AZIN2: variants seen among roughly 807,000 people sequenced by gnomAD.
AZIN2 encodes the protein ODC antizyme inhibitor-2.
Under a neutral mutation model 47.8 loss-of-function variants are expected in AZIN2, and 28 were observed. The observed-to-expected ratio is 0.59, with a 90% CI of 0.43 to 0.80. The LOEUF is 0.80. Among genes scored for constraint, AZIN2 ranks in the 30% least tolerant of loss-of-function variants. The probability of loss-of-function intolerance (pLI) is 0.00; values close to 1 mark genes in which losing one functional copy is unlikely to be tolerated. For synonymous variants in AZIN2, 221 were observed against 239.4 expected (o/e 0.92, Z 0.71); for missense variants, 535 against 582.5 (o/e 0.92, Z 0.84).
chr1:33,082,049 T>C (rs1231322086), intron 3 of AZIN2, 129 bp from the exon 4 acceptor site: 4 of 595,236 alleles, frequency 6.7e-6, no homozygotes, highest in Non-Finnish European at 1.2e-5. Context: ...TTCTCCACCC[T>C]TGCCCAGTGA....
At chr1:33,154,177 T>G in the AZIN2 span, among the ~76,000 whole-genome samples, 7 of 152,208 alleles carry the variant, frequency 4.6e-5, no homozygotes, top group African/African-American at 1.7e-4. Flanking sequence ...GATCTAAAGA[T>G]GGGCCGGGTG....
chr1:33,087,012 A>G (rs971720149), intron 5 of AZIN2, among the ~76,000 whole-genome samples: 23 of 152,304 alleles, frequency 1.5e-4, no homozygotes, highest in African/African-American at 5.3e-4. Flanking sequence ...TACTTTAAAC[A>G]TGGATTGTGA....
At chr1:33,124,279 A>G (rs759342175), downstream of AZIN2, among the ~76,000 whole-genome samples, 11 of 152,298 alleles carry the variant, frequency 7.2e-5, no homozygotes, top group South Asian at 4.2e-4. This position sits in a 1 kb window ranked among gnomAD's most constrained non-coding sequence, Gnocchi z 4.6. Context: ...GTCACAGAGG[A>G]CCTTGAATTA....
the AZIN2 span, chr1:33,146,838 C>T: frequency 2.8e-6 from 1 of 352,168 alleles, no homozygotes. Flanking sequence ...TTCCTGAGGT[C>T]AGGGCTGGGC....
the AZIN2 span, among the ~76,000 whole-genome samples, chr1:33,135,160 C>T: frequency 1.3e-5 from 2 of 152,112 alleles, no homozygotes; most frequent in Admixed American, 6.5e-5. Flanking sequence ...CATGGTGGCA[C>T]GTGCCTGTAA....
intron 8 of AZIN2, among the ~76,000 whole-genome samples, chr1:33,095,253 A>C (rs902591089): frequency 6.6e-6 from 1 of 152,220 alleles, no homozygotes; most frequent in Non-Finnish European, 1.5e-5. Flanking sequence ...TTGACCTTAC[A>C]GAAATGATTT....
intron 10 of AZIN2, among the ~76,000 whole-genome samples, chr1:33,098,827 G>GAT (rs1424578577): frequency 6.7e-6 from 1 of 149,820 alleles, no homozygotes; most frequent in African/African-American, 2.5e-5. Flanking sequence ...GCAGTGGTGT[G>GAT]ATCTCGGCTC....
At chr1:33,106,861 A>G (rs1320030607) in intron 10 of AZIN2, among the ~76,000 whole-genome samples, 1 of 152,222 alleles carries the variant, frequency 6.6e-6, no homozygotes, top group Non-Finnish European at 1.5e-5. Flanking sequence ...GCTCACTCTC[A>G]CCACTTCTAT....
At position 33,120,294 on chromosome 1, in the gene AZIN2, T is replaced by A; in HGVS notation, c.*112T>A. 1 of 1,446,322 alleles carries A rather than the reference T, an allele frequency of 6.9e-7. No homozygotes were observed. The highest frequency in any genetic ancestry group is 9.3e-7 in the Non-Finnish European group (1 of 1,075,838). The allele number at this position is 1,446,322 out of a possible 1,614,324, so 89.6% of individuals were successfully genotyped here. A position where few individuals can be genotyped will look rare whatever the true frequency, so the allele number is the denominator to read the frequency against. ...TTGGCCAGGACTCTGGTGCCCACCC[T>A]GCCACCCCCGCGCTCCACCTGCAGT... On this transcript the variant is annotated 3_prime_UTR_variant, in exon 12 of 12. Coordinates refer to ENST00000294517, the MANE Select transcript of AZIN2 (RefSeq NM_052998.4).
the AZIN2 span, among the ~76,000 whole-genome samples, chr1:33,133,470 T>C: frequency 6.6e-6 from 1 of 152,192 alleles, no homozygotes; most frequent in African/African-American, 2.4e-5. Context: ...GGGCCCCTCA[T>C]GGGGATGGTG....
At chr1:33,108,184 G>A (rs977940373) in intron 10 of AZIN2, among the ~76,000 whole-genome samples, 2 of 152,116 alleles carry the variant, frequency 1.3e-5, no homozygotes, top group Non-Finnish European at 2.9e-5. Flanking sequence ...TGCATTTACG[G>A]TCAATTGATC....
intron 10 of AZIN2, 91 bp downstream of exon 10, chr1:33,098,270 A>G (rs1420647992): frequency 3.1e-6 from 3 of 973,598 alleles, no homozygotes; most frequent in Non-Finnish European, 4.6e-6. Flanking sequence ...AAAAAGTCAA[A>G]CATATTTATT....
rs961497666 is a variant in AZIN2 at position 33,081,189 on chromosome 1, A to C, written c.-511A>C. ...TGTGGCTGCTGGGCTGGCGGGGCGC[A>C]GGCCGCGGGACCCGAGCCCGGGGAA... is the stretch of plus-strand genomic sequence containing the variant. On this transcript the variant is annotated 5_prime_UTR_variant, in exon 1 of 12. Transcript: ENST00000294517. The surrounding 1 kb of genome is among the most constrained non-coding windows in gnomAD (Gnocchi z 4.2). 1.9e-5 allele frequency: 3 copies of C among 154,192 alleles called. No homozygotes were observed. The highest frequency in any genetic ancestry group is 4.8e-5 in the African/African-American group (2 of 41,474). The allele number at this position is 154,192 out of a possible 1,614,324, so 9.6% of individuals were successfully genotyped here.
rs1871322 is a variant in AZIN2 at position 33,082,167 on chromosome 1, T to A, written c.-72-11T>A. ...CCCCAGCGGTTCCCTTCATCTCCCC[T>A]CGCCCCGCAGTGTGTTGCATACTTT... On this transcript the variant is annotated splice_polypyrimidine_tract_variant and intron_variant, in intron 3 of 11. Transcript: ENST00000294517. The A allele has an allele frequency of 6.5e-5, 75 of 1,156,564 alleles. No homozygotes were observed. The highest frequency in any genetic ancestry group is 9.3e-5 in the Non-Finnish European group (73 of 788,102). The allele number at this position is 1,156,564 out of a possible 1,614,324, so 71.6% of individuals were successfully genotyped here. A position where few individuals can be genotyped will look rare whatever the true frequency, so the allele number is the denominator to read the frequency against.
chr1:33,083,881 G>C (rs777967127), intron 4 of AZIN2, 73 bp from the exon 5 acceptor site: 2 of 1,578,982 alleles, frequency 1.3e-6, no homozygotes, highest in South Asian at 2.2e-5. Context: ...CAGGTACTTG[G>C]AAGGATCACG....
At chr1:33,101,814 T>C (rs1284952686) in intron 10 of AZIN2, 2 of 777,562 alleles carry the variant, frequency 2.6e-6, no homozygotes, top group Non-Finnish European at 4.8e-6. Context: ...GTTTGGGCTT[T>C]TTCTCCCTCA....
chr1:33,112,239 G>A lies in AZIN2; in HGVS notation c.1030-5663G>A, dbSNP rs190774200. 1.1e-4 allele frequency among the ~76,000 whole-genome samples: 16 copies of A among 152,270 alleles called. No homozygotes were observed. In the East Asian group the frequency reaches 3.1e-3, roughly 29 times the overall value. The stretch of plus-strand genomic sequence containing the variant: ...TTCAGATAAATTTGCACATATGTAT[G>A]TCCTACATTACAGCAAGTTCCTAGG... On this transcript the variant is annotated intron_variant, in intron 10 of 11. Coordinates refer to ENST00000294517, the MANE Select transcript of AZIN2 (RefSeq NM_052998.4).
the AZIN2 span, among the ~76,000 whole-genome samples, chr1:33,149,017 C>T: frequency 6.6e-6 from 1 of 152,210 alleles, no homozygotes; most frequent in Admixed American, 6.5e-5. Flanking sequence ...TTACACGGTT[C>T]CCTCCACCTC....
chr1:33,126,604 G>C (rs1644858139), downstream of AZIN2, among the ~76,000 whole-genome samples: 1 of 152,122 alleles, frequency 6.6e-6, no homozygotes. Flanking sequence ...GCACTAGGAA[G>C]ACCATTGACT....
Sources: gnomAD v4.1 joint callset for allele counts (sites outside exome capture counted in the v4.1 genomes callset) on GRCh38, gnomAD v4.1.1 for gene constraint, Gnocchi (gnomAD v3.1) non-coding constraint, MANE v1.5 for transcripts, NCBI Gene and HGNC (gene_info 2026-07-23, HGNC 2026-07-21) for gene names.